Variants in DCUN1D1 observed in about 807,000 individuals in gnomAD.
DCUN1D1 encodes the protein DCN1-like protein 1.
DCUN1D1 carries 3 observed loss-of-function variants against 39.0 expected under a neutral mutation model. The observed-to-expected ratio is 0.08, with a 90% CI of 0.04 to 0.20. DCUN1D1 has a LOEUF of 0.20. Among genes scored for constraint, DCUN1D1 ranks in the 10% least tolerant of loss-of-function variants. DCUN1D1 has a pLI of 1.00. For missense variants in DCUN1D1, 158 were observed against 302.4 expected (o/e 0.52, Z 3.54); for synonymous variants, 82 against 96.3 (o/e 0.85, Z 0.87).
chr3:182,980,708 T>C, upstream of DCUN1D1: 4 of 259,930 alleles, frequency 1.5e-5, no homozygotes, highest in Non-Finnish European at 2.3e-5. Context: ...GGCGCGGGGG[T>C]CCCCCGGGGA....
At chr3:182,948,211 T>TA (rs2108624555) in intron 4 of DCUN1D1, among the ~76,000 whole-genome samples, 1 of 152,320 alleles carries the variant, frequency 6.6e-6, no homozygotes, top group African/African-American at 2.4e-5. Flanking sequence ...CAATCCTAAG[T>TA]AACCTTATGC....
chr3:182,964,306 A>G (rs1241662789), intron 2 of DCUN1D1, among the ~76,000 whole-genome samples: 1 of 152,230 alleles, frequency 6.6e-6, no homozygotes, highest in Non-Finnish European at 1.5e-5. Context: ...TATGTCCCAT[A>G]CTTATACACA....
intron 1 of DCUN1D1, among the ~76,000 whole-genome samples, chr3:182,966,142 AG>A (rs1031446742): frequency 8.6e-5 from 13 of 152,032 alleles, no homozygotes; most frequent in African/African-American, 9.7e-5. Flanking sequence ...GATCAGACGC[AG>A]GGAAGAAGAT....
chr3:182,981,636 C>G (rs1488540629), upstream of DCUN1D1, among the ~76,000 whole-genome samples: 2 of 152,232 alleles, frequency 1.3e-5, no homozygotes, highest in African/African-American at 4.8e-5. Flanking sequence ...CGTTTCAGAA[C>G]AGGACCCACC....
At chr3:182,967,085 G>A (rs1727703751) in intron 1 of DCUN1D1, among the ~76,000 whole-genome samples, 2 of 150,642 alleles carry the variant, frequency 1.3e-5, no homozygotes, top group African/African-American at 4.9e-5. Flanking sequence ...CCAGCCTGGG[G>A]GACAAGAGCG....
chr3:182,963,134 G>A (rs1042215062), intron 3 of DCUN1D1, among the ~76,000 whole-genome samples: 1 of 152,126 alleles, frequency 6.6e-6, no homozygotes, highest in African/African-American at 2.4e-5. Context: ...ATGTCACTCA[G>A]ACTCGAATCA....
chr3:182,980,077 C>A, intron 1 of DCUN1D1: 1 of 894,198 alleles, frequency 1.1e-6, no homozygotes, highest in Non-Finnish European at 1.3e-6. Context: ...GCTACTCACC[C>A]GGAACCCCAG....
At chr3:182,982,763 C>T (rs541418987), upstream of DCUN1D1, among the ~76,000 whole-genome samples, 2 of 152,104 alleles carry the variant, frequency 1.3e-5, no homozygotes, top group African/African-American at 4.8e-5. Context: ...CTGTCTCAGC[C>T]CCCACCGAGT....
At chr3:182,968,892 G>A (rs555118412) in intron 1 of DCUN1D1, among the ~76,000 whole-genome samples, 6 of 152,268 alleles carry the variant, frequency 3.9e-5, no homozygotes, top group South Asian at 2.1e-4. Flanking sequence ...GAGCCACCGC[G>A]CCAGGCCAAA....
intron 6 of DCUN1D1, among the ~76,000 whole-genome samples, chr3:182,946,331 G>A (rs1001376930): frequency 1.4e-4 from 22 of 152,170 alleles, no homozygotes; most frequent in African/African-American, 5.1e-4. Context: ...ACCGAGGCGG[G>A]TGGATGACAA....
chr3:182,979,608 C>CA (rs1728420370), intron 1 of DCUN1D1, among the ~76,000 whole-genome samples: 25 of 148,450 alleles, frequency 1.7e-4, no homozygotes, highest in Admixed American at 1.2e-3. Flanking sequence ...TTTCCCCCCC[C>CA]CAAACAAAAA....
chr3:182,961,577 TA>T (rs924922865), intron 3 of DCUN1D1, among the ~76,000 whole-genome samples: 2 of 152,194 alleles, frequency 1.3e-5, no homozygotes, highest in African/African-American at 4.8e-5. Flanking sequence ...TAATTACTTT[TA>T]AAAGAAACAG....
intron 4 of DCUN1D1, among the ~76,000 whole-genome samples, chr3:182,947,945 A>C (rs1560161259): frequency 6.6e-6 from 1 of 152,194 alleles, no homozygotes; most frequent in African/African-American, 2.4e-5. Context: ...GTTACTGTAC[A>C]CCAGGGTTTC....
At chr3:182,984,009 T>C (rs1302056946), upstream of DCUN1D1, among the ~76,000 whole-genome samples, 1 of 152,240 alleles carries the variant, frequency 6.6e-6, no homozygotes, top group Non-Finnish European at 1.5e-5. Flanking sequence ...CTGCTTAAGG[T>C]CAGAGACCTG....
At chr3:182,964,832 G>T (rs902228094) in intron 2 of DCUN1D1, among the ~76,000 whole-genome samples, 1 of 151,580 alleles carries the variant, frequency 6.6e-6, no homozygotes, top group Non-Finnish European at 1.5e-5. Flanking sequence ...GTAGAGACAG[G>T]GTTTTACCAT....
intron 4 of DCUN1D1, among the ~76,000 whole-genome samples, chr3:182,952,811 G>A (rs915826198): frequency 1.3e-5 from 2 of 152,118 alleles, no homozygotes; most frequent in African/African-American, 4.8e-5. Context: ...CATCCCCACT[G>A]GGAAGGCTTA....
chr3:182,953,172 T>C (rs900014383), intron 4 of DCUN1D1, among the ~76,000 whole-genome samples: 22 of 152,292 alleles, frequency 1.4e-4, no homozygotes, highest in Non-Finnish European at 2.9e-4. Flanking sequence ...ATACCCTTTT[T>C]GAAGGTACTG....
At chr3:182,971,545 C>T (rs1727936039) in intron 1 of DCUN1D1, among the ~76,000 whole-genome samples, 1 of 150,724 alleles carries the variant, frequency 6.6e-6, no homozygotes, top group Admixed American at 6.6e-5. Flanking sequence ...TGCACTCCAG[C>T]CTGGACAAGA....
chr3:182,968,884 G>A (rs1363689337), intron 1 of DCUN1D1, among the ~76,000 whole-genome samples: 5 of 152,210 alleles, frequency 3.3e-5, no homozygotes, highest in Non-Finnish European at 7.3e-5. Context: ...ACAGGCATGA[G>A]CCACCGCGCC....
Sources: gnomAD v4.1 joint callset for allele counts (sites outside exome capture counted in the v4.1 genomes callset) on GRCh38, gnomAD v4.1.1 for gene constraint, MANE v1.5 for transcripts, NCBI Gene and HGNC (gene_info 2026-07-23, HGNC 2026-07-21) for gene names.